Variants in SLC71A1 observed in about 807,000 individuals in gnomAD.
SLC71A1 encodes the protein solute carrier family 71 member 1, also known as hippocampus abundant gene transcript 1.
At chr1:100,063,137 GGGTTGGTC>G in the SLC71A1 span, among the ~76,000 whole-genome samples, 41 of 151,984 alleles carry the variant, frequency 2.7e-4, no homozygotes, top group Non-Finnish European at 5.9e-5. Context: ...ACCCAATTTG[GGGTTGGTC>G]GGTTGGTTGG....
At chr1:100,061,348 T>C in the SLC71A1 span, among the ~76,000 whole-genome samples, 9 of 152,346 alleles carry the variant, frequency 5.9e-5, no homozygotes, top group East Asian at 1.5e-3. Flanking sequence ...AACTGAGTTA[T>C]TTGTTTTGCC....
chr1:100,058,516 G>A, the SLC71A1 span: 1 of 591,288 alleles, frequency 1.7e-6, no homozygotes, highest in African/African-American at 1.9e-5. Context: ...TAAATATTTG[G>A]TTATTAATGG....
the SLC71A1 span, among the ~76,000 whole-genome samples, chr1:100,040,585 C>T: frequency 2.0e-5 from 3 of 152,048 alleles, no homozygotes; most frequent in African/African-American, 4.8e-5. Context: ...CTCAGCCTCC[C>T]GAGTAGCTGG....
chr1:100,066,814 C>T, the SLC71A1 span, among the ~76,000 whole-genome samples: 1 of 151,856 alleles, frequency 6.6e-6, no homozygotes, highest in East Asian at 1.9e-4. Flanking sequence ...ACGGTGAAAC[C>T]CCATCTCTAC....
At chr1:100,051,100 A>G in the SLC71A1 span, among the ~76,000 whole-genome samples, 1 of 148,370 alleles carries the variant, frequency 6.7e-6, no homozygotes, top group South Asian at 2.1e-4. Context: ...AAAAAAAACA[A>G]AAAAAAAAAC....
At chr1:100,065,161 A>G in the SLC71A1 span, among the ~76,000 whole-genome samples, 1 of 152,228 alleles carries the variant, frequency 6.6e-6, no homozygotes, top group Non-Finnish European at 1.5e-5. Context: ...GGCATGAGAC[A>G]CTGCACCTGG....
chr1:100,082,211 G>A, the SLC71A1 span: 68 of 1,612,502 alleles, frequency 4.2e-5, no homozygotes, highest in South Asian at 3.6e-4. Flanking sequence ...AATGTGTGAC[G>A]ACTGAAATCA....
At chr1:100,059,021 G>T in the SLC71A1 span, among the ~76,000 whole-genome samples, 1 of 151,320 alleles carries the variant, frequency 6.6e-6, no homozygotes, top group Non-Finnish European at 1.5e-5. Context: ...AGATCTCAAT[G>T]ATTTTGTAAG....
the SLC71A1 span, chr1:100,077,057 A>G: frequency 1.6e-6 from 1 of 612,930 alleles, no homozygotes; most frequent in Non-Finnish European, 2.9e-6. Context: ...ATTATTGCTG[A>G]AAATCAGCCA....
the SLC71A1 span, among the ~76,000 whole-genome samples, chr1:100,078,247 T>C: frequency 6.6e-6 from 1 of 152,244 alleles, no homozygotes; most frequent in Non-Finnish European, 1.5e-5. Flanking sequence ...CATTACACCC[T>C]CACAGCACTC....
At chr1:100,079,004 T>C in the SLC71A1 span, 1 of 152,712 alleles carries the variant, frequency 6.5e-6, no homozygotes, top group Non-Finnish European at 1.5e-5. Flanking sequence ...AGGCGGAGGT[T>C]GCACTGAGCC....
chr1:100,056,222 AGTT>A, the SLC71A1 span, among the ~76,000 whole-genome samples: 20 of 152,176 alleles, frequency 1.3e-4, no homozygotes, highest in African/African-American at 4.3e-4. Flanking sequence ...CCATGAGTTC[AGTT>A]GTTGTAATTT....
chr1:100,059,680 G>A, the SLC71A1 span, among the ~76,000 whole-genome samples: 1 of 151,792 alleles, frequency 6.6e-6, no homozygotes, highest in Non-Finnish European at 1.5e-5. Context: ...TACCTACCTG[G>A]AGCCCCACAG....
the SLC71A1 span, among the ~76,000 whole-genome samples, chr1:100,043,988 G>A: frequency 6.6e-6 from 1 of 152,210 alleles, no homozygotes; most frequent in Non-Finnish European, 1.5e-5. Flanking sequence ...TATCTTTGCA[G>A]TTGTGAATTG....
chr1:100,062,991 C>G, the SLC71A1 span, among the ~76,000 whole-genome samples: 2 of 144,576 alleles, frequency 1.4e-5, no homozygotes, highest in Non-Finnish European at 3.0e-5. Context: ...TTAAATGATA[C>G]AAGGCTGATG....
chr1:100,038,278 A>C, the SLC71A1 span: 1 of 1,561,090 alleles, frequency 6.4e-7, no homozygotes, highest in Middle Eastern at 1.7e-4. Context: ...CCGCAGTATC[A>C]TGCTGGCCAA....
At chr1:100,050,300 A>G in the SLC71A1 span, among the ~76,000 whole-genome samples, 4 of 152,198 alleles carry the variant, frequency 2.6e-5, no homozygotes, top group South Asian at 8.3e-4. Flanking sequence ...AGGTTTAGAA[A>G]AGATGATGTC....
the SLC71A1 span, among the ~76,000 whole-genome samples, chr1:100,069,413 T>C: frequency 6.6e-6 from 1 of 152,230 alleles, no homozygotes; most frequent in Non-Finnish European, 1.5e-5. Flanking sequence ...ATATCCACAT[T>C]GAGGGACCCA....
chr1:100,060,165 A>T, the SLC71A1 span, among the ~76,000 whole-genome samples: 1 of 152,208 alleles, frequency 6.6e-6, no homozygotes, highest in Non-Finnish European at 1.5e-5. Flanking sequence ...GCCTCTAAAA[A>T]TACAGTAGGT....
Sources: gnomAD v4.1 joint callset for allele counts (sites outside exome capture counted in the v4.1 genomes callset) on GRCh38, gnomAD v4.1.1 for gene constraint, MANE v1.5 for transcripts, NCBI Gene and HGNC (gene_info 2026-07-23, HGNC 2026-07-21) for gene names.